Variants in BBX observed in about 807,000 individuals in gnomAD.
BBX encodes the protein BBX high mobility group box domain containing.
Under a neutral mutation model 100.2 loss-of-function variants are expected in BBX, and 30 were observed. The observed-to-expected ratio is 0.30, with a 90% CI of 0.22 to 0.41. The LOEUF (loss-of-function observed/expected upper bound fraction) is 0.41, where lower values mean the gene tolerates loss of function less well. BBX is among the 10% of genes least tolerant of loss of function. The probability of loss-of-function intolerance (pLI) is 1.00; values close to 1 mark genes in which losing one functional copy is unlikely to be tolerated. For missense variants in BBX, 1,023 were observed against 1,129.8 expected, an observed-to-expected ratio of 0.91 and a Z score of 1.35; for synonymous variants, 376 against 388.1, an observed-to-expected ratio of 0.97 and a Z score of 0.37.
intron 2 of BBX, chr3:107,638,540 C>T (rs1420140219): frequency 1.3e-5 from 2 of 152,118 alleles, no homozygotes; most frequent in Non-Finnish European, 2.9e-5. Flanking sequence ...ACAATTCTTT[C>T]TGCAGGTAAG....
chr3:107,685,682 A>G (rs751720396), intron 3 of BBX, among the ~76,000 whole-genome samples: 2 of 152,230 alleles, frequency 1.3e-5, no homozygotes, highest in Non-Finnish European at 1.5e-5. Flanking sequence ...GAGCATTTTA[A>G]CTAATACTCT....
intron 7 of BBX, among the ~76,000 whole-genome samples, chr3:107,737,889 T>TTTTTTG (rs1560069676): frequency 7.7e-6 from 1 of 129,554 alleles, no homozygotes; most frequent in Admixed American, 8.5e-5. Flanking sequence ...TTCCAGTTTT[T>TTTTTTG]TTTTTTTTTT....
At chr3:107,681,761 T>G (rs1254571055) in intron 3 of BBX, among the ~76,000 whole-genome samples, 1 of 152,100 alleles carries the variant, frequency 6.6e-6, no homozygotes, top group Non-Finnish European at 1.5e-5. Context: ...TTCTGGAGAT[T>G]TCCACACTTA....
At chr3:107,756,501 AT>A (rs559736087) in intron 10 of BBX, among the ~76,000 whole-genome samples, 11 of 152,010 alleles carry the variant, frequency 7.2e-5, no homozygotes, top group Admixed American at 5.2e-4. Context: ...TCTTTTGTAA[AT>A]TTTTTGTAGT....
intron 2 of BBX, among the ~76,000 whole-genome samples, chr3:107,545,937 G>A (rs2049205077): frequency 6.6e-6 from 1 of 152,180 alleles, no homozygotes; most frequent in Admixed American, 6.5e-5. Flanking sequence ...TCACAGTTTG[G>A]TAGAAAGGGC....
intron 13 of BBX, 106 bp downstream of exon 13, chr3:107,778,625 C>G: frequency 7.9e-7 from 1 of 1,258,182 alleles, no homozygotes; most frequent in Non-Finnish European, 1.1e-6. Flanking sequence ...GGAATTGAGG[C>G]AGTAGGGAGT....
chr3:107,719,173 C>G lies in BBX; in HGVS notation c.405+2324C>G, dbSNP rs1185205424. ...ATATGGTCTGTTTTTCAAGGCTCCC[C>G]CAACACACAATCATTTTTAAAACTC... On this transcript the variant is annotated intron_variant, in intron 5 of 17. Coordinates refer to ENST00000325805, the MANE Select transcript of BBX (RefSeq NM_001142568.3). Among the ~76,000 whole-genome samples the G allele has an allele frequency of 2.0e-5, 3 of 152,058 alleles. No individual in the cohort carries two copies. In the East Asian group the frequency reaches 5.8e-4, roughly 29 times the overall value.
rs2067064023 is a variant in BBX, at chr3:107,773,388, T to C, written c.1667T>C (p.Ile556Thr). 1 of 1,614,080 alleles carries C rather than the reference T, an allele frequency of 6.2e-7. No individual in the cohort carries two copies. Among genetic ancestry groups the C allele is most frequent in the Non-Finnish European group, 8.5e-7 (1 of 1,179,984 alleles). Residue 556 changes from isoleucine (I) to threonine (T), a missense_variant, in exon 11 of 18, where the codon ATT becomes ACT. This residue lies in a region of BBX where 348 missense variants were observed against 353.2 expected (regional missense o/e 0.99). Transcript: ENST00000325805. This position sits in a 1 kb window ranked among gnomAD's most constrained non-coding sequence, Gnocchi z 4.1. ...AAAGAGTCAAGACCTCCAGATTTCA[T>C]TAGTATTTCTGCTAGCAAGAACATT... ...TTKESRPPDF[I>T]SISASKNISG... is the part of the protein sequence containing the mutation.
At chr3:107,551,964 A>G (rs2049719577) in intron 2 of BBX, among the ~76,000 whole-genome samples, 1 of 152,202 alleles carries the variant, frequency 6.6e-6, no homozygotes, top group African/African-American at 2.4e-5. Flanking sequence ...GCTTTTCTGA[A>G]CAGGGTACAT....
chr3:107,655,457 G>T (rs1398268224), intron 3 of BBX, among the ~76,000 whole-genome samples: 1 of 149,970 alleles, frequency 6.7e-6, no homozygotes, highest in Admixed American at 6.6e-5. Context: ...AGGAGATATC[G>T]TATGATTCTT....
In BBX at chr3:107,807,182, G is replaced by T. The variant is rs1428597679; in HGVS notation, c.*1725G>T. The T allele has an allele frequency of 1.3e-5, 2 of 152,036 alleles. No homozygotes were observed. The highest frequency in any genetic ancestry group is 2.9e-5 in the Non-Finnish European group (2 of 68,012). The allele number at this position is 152,036 out of a possible 1,614,324, so 9.4% of individuals were successfully genotyped here. A position where few individuals can be genotyped will look rare whatever the true frequency, so the allele number is the denominator to read the frequency against. Reference sequence around the variant, plus strand: ...TACTAACAGGATTGAAAAAAAAATAGAGGTTTTTCTTCTTGTTTTTTTTTC... The same window carrying T: ...TACTAACAGGATTGAAAAAAAAATATAGGTTTTTCTTCTTGTTTTTTTTTC... On this transcript the variant is annotated 3_prime_UTR_variant, in exon 18 of 18. Transcript: ENST00000325805.
At chr3:107,673,923 G>C (rs186978429) in intron 3 of BBX, among the ~76,000 whole-genome samples, 1 of 152,174 alleles carries the variant, frequency 6.6e-6, no homozygotes, top group East Asian at 1.9e-4. Flanking sequence ...CACTGTCCTC[G>C]TGACAGTCTT....
chr3:107,553,941 T>G (rs754702787), intron 2 of BBX, among the ~76,000 whole-genome samples: 1 of 152,226 alleles, frequency 6.6e-6, no homozygotes, highest in Non-Finnish European at 1.5e-5. Flanking sequence ...AGGTTTGTTA[T>G]GTGTTTTTTT....
At chr3:107,738,462 T>G (rs1354544051) in intron 7 of BBX, among the ~76,000 whole-genome samples, 1 of 152,178 alleles carries the variant, frequency 6.6e-6, no homozygotes, top group Non-Finnish European at 1.5e-5. Flanking sequence ...GTGTATTCCG[T>G]AAGACTAACT....
chr3:107,669,567 C>T (rs2058922546), intron 3 of BBX, among the ~76,000 whole-genome samples: 1 of 151,988 alleles, frequency 6.6e-6, no homozygotes, highest in Non-Finnish European at 1.5e-5. Flanking sequence ...GGAGTGAAAA[C>T]CTCAAAGCAT....
intron 17 of BBX, among the ~76,000 whole-genome samples, chr3:107,801,850 A>G (rs2070523723): frequency 6.6e-6 from 1 of 152,088 alleles, no homozygotes; most frequent in Admixed American, 6.5e-5. Flanking sequence ...CATGGCAGCC[A>G]GAGGCCTGGA....
intron 3 of BBX, chr3:107,662,501 G>A (rs1391034681): frequency 6.6e-6 from 1 of 152,086 alleles, no homozygotes; most frequent in African/African-American, 2.4e-5. Flanking sequence ...AGAATTTTTA[G>A]GGTTTAAGTG....
intron 2 of BBX, chr3:107,526,779 T>C (rs1035992738): frequency 3.2e-5 from 5 of 155,102 alleles, no homozygotes; most frequent in East Asian, 1.9e-4. Context: ...CAAGGAAGCA[T>C]TGTGCAGAAG....
intron 1 of BBX, among the ~76,000 whole-genome samples, chr3:107,523,811 G>A (rs2107261695): frequency 6.6e-6 from 1 of 152,290 alleles, no homozygotes; most frequent in Admixed American, 6.5e-5. Flanking sequence ...TTCATCTGGA[G>A]AGTTGGGATT....
Sources: allele counts gnomAD v4.1 joint callset (sites outside exome capture counted in the v4.1 genomes callset), GRCh38; gene constraint gnomAD v4.1.1; regional missense constraint gnomAD v4.1.1; non-coding constraint Gnocchi (gnomAD v3.1); transcripts MANE v1.5; gene names NCBI Gene and HGNC (gene_info 2026-07-23, HGNC 2026-07-21).